KIR2DL1: variants seen among roughly 807,000 people sequenced by gnomAD.
KIR2DL1 encodes the protein killer cell immunoglobulin-like receptor 2DL1.
KIR2DL1 carries 38 observed loss-of-function variants against 33.9 expected under a neutral mutation model. The observed-to-expected ratio is 1.12, with a 90% CI of 0.86 to 1.47. KIR2DL1 has a LOEUF of 1.47. Ranked by LOEUF, KIR2DL1 falls within the 40% of genes most tolerant of loss-of-function variation. KIR2DL1 has a pLI of 0.00. For synonymous variants in KIR2DL1, 179 were observed against 165.9 expected, an observed-to-expected ratio of 1.08 and a Z score of -0.61; for missense variants, 531 against 433.9, an observed-to-expected ratio of 1.22 and a Z score of -1.99.
rs687885 is a variant in KIR2DL1 at position 54,773,593 on chromosome 19, G to A, written c.331G>A (p.Val111Met). The A allele has an allele frequency of 3.2e-6, 5 of 1,550,902 alleles. No homozygotes were observed. Among genetic ancestry groups the A allele is most frequent in the Middle Eastern group, 3.5e-4 (2 of 5,784 alleles). The change falls in exon 3 of 8, where the codon GTG becomes ATG. Residue 111 changes from valine (V) to methionine (M), a missense_variant. By Grantham distance (21) the Val-to-Met change is conservative. Coordinates refer to ENST00000336077, the MANE Select transcript of KIR2DL1 (RefSeq NM_014218.3). ...TTCTGTTACTCACTCCCCCTATCAG[G>A]TGTCAGCTCCCAGTGACCCTCTGGA... The part of the protein sequence containing the change: ...YGSVTHSPYQ[V>M]SAPSDPLDIV...
chr19:54,770,734 A>G, intron 1 of KIR2DL1, 115 bp from the exon 2 acceptor site: 1 of 1,416,300 alleles, frequency 7.1e-7, no homozygotes, highest in Non-Finnish European at 9.9e-7. Flanking sequence ...ACTGAGGGTG[A>G]GTTTACCTTC....
At chr19:54,780,705 T>G (rs4969512) in intron 5 of KIR2DL1, among the ~76,000 whole-genome samples, 3,185 of 125,990 alleles carry the variant, frequency 0.025, 152 homozygotes, top group African/African-American at 0.073. Flanking sequence ...ATATAAGATA[T>G]GTTTGTGAGG....
In KIR2DL1 at chr19:54,778,984, A is replaced by G. The variant is rs919178158; in HGVS notation, c.715+322A>G. On this transcript the variant is annotated intron_variant, in intron 5 of 7. Coordinates refer to ENST00000336077, the MANE Select transcript of KIR2DL1 (RefSeq NM_014218.3). Reference sequence around the variant, plus strand: ...GGATAAATTCCTGGAGACTTGAGAGAGGGAAGGGAAGGGAACATCTGATGA... The same window carrying G: ...GGATAAATTCCTGGAGACTTGAGAGGGGGAAGGGAAGGGAACATCTGATGA... Among the ~76,000 whole-genome samples the G allele has an allele frequency of 1.5e-4, 22 of 146,468 alleles. 1 individual carries two copies. The highest frequency in any genetic ancestry group is 3.2e-4 in the Non-Finnish European group (21 of 65,750).
In KIR2DL1 at chr19:54,774,073, T is replaced by C. The variant is rs936707029; in HGVS notation, c.370+441T>C. Among the ~76,000 whole-genome samples the C allele has an allele frequency of 3.4e-5, 5 of 148,786 alleles. 1 individual carries two copies. Among genetic ancestry groups the C allele is most frequent in the Non-Finnish European group, 7.5e-5 (5 of 66,342 alleles). On this transcript the variant is annotated intron_variant, in intron 3 of 7. Transcript: ENST00000336077. The stretch of plus-strand genomic sequence containing the variant: ...CCTTGTGGCACCTACAGATGCCATG[T>C]TTATTCTGACACCTCTGCCTTCCAT...
rs774179192 is a variant in KIR2DL1 at position 54,773,490 on chromosome 19, C to A, written c.228C>A (p.His76Gln). Residue 76 changes from histidine (H) to glutamine (Q), a missense_variant, in exon 3 of 8, where the codon CAC becomes CAA. Transcript: ENST00000336077. Reference sequence around the variant, plus strand: ...ACACTTTGCGCCTCATTGGAGAACACCATGATGGGGTCTCCAAGGCCAACT... The same window carrying A: ...ACACTTTGCGCCTCATTGGAGAACAACATGATGGGGTCTCCAAGGCCAACT... ...FNDTLRLIGE[H>Q]HDGVSKANFS... The A allele has an allele frequency of 2.5e-6, 4 of 1,585,554 alleles. No individual in the cohort carries two copies. The highest frequency in any genetic ancestry group is 2.2e-5 in the East Asian group (1 of 44,652).
intron 2 of KIR2DL1, among the ~76,000 whole-genome samples, chr19:54,771,450 G>T (rs1294498332): frequency 1.4e-5 from 2 of 147,972 alleles, no homozygotes; most frequent in Non-Finnish European, 3.0e-5. Flanking sequence ...TTGTTGTAGG[G>T]AGACACCTTG....
chr19:54,783,660 G>A lies in KIR2DL1; in HGVS notation c.894G>A (p.Gln298=). 2 of 1,614,004 alleles carry A rather than the reference G, an allele frequency of 1.2e-6. 1 individual carries two copies. The highest frequency in any genetic ancestry group is 1.7e-6 in the Non-Finnish European group (2 of 1,179,958). ...NSEDSDEQDP[Q]EVTYTQLNHC... is the part of the protein sequence containing the mutation. Reference sequence around the variant, plus strand: ...AGGACTCTGATGAACAAGACCCTCAGGAGGTGACATACACACAGTTGAATC... The same window carrying A: ...AGGACTCTGATGAACAAGACCCTCAAGAGGTGACATACACACAGTTGAATC... Residue 298 remains glutamine, a synonymous_variant, in exon 8 of 8, where the codon CAG becomes CAA. Coordinates refer to ENST00000336077, the MANE Select transcript of KIR2DL1 (RefSeq NM_014218.3).
At chr19:54,778,945 C>A (rs1472375264) in intron 5 of KIR2DL1, among the ~76,000 whole-genome samples, 2 of 146,768 alleles carry the variant, frequency 1.4e-5, no homozygotes, top group Non-Finnish European at 3.0e-5. Context: ...GTTCTACCTG[C>A]ATTCCTAACT....
intron 4 of KIR2DL1, among the ~76,000 whole-genome samples, chr19:54,777,688 G>A (rs1336436888): frequency 6.8e-6 from 1 of 146,162 alleles, no homozygotes; most frequent in Non-Finnish European, 1.5e-5. Flanking sequence ...AATCCCAATG[G>A]TCTATTTTTG....
intron 6 of KIR2DL1, 57 bp from the exon 7 acceptor site, chr19:54,783,429 G>T: frequency 6.3e-7 from 1 of 1,590,714 alleles, no homozygotes; most frequent in Non-Finnish European, 8.6e-7. Context: ...ATCTGCTTAT[G>T]AAATGAGGAC....
intron 2 of KIR2DL1, 38 bp from the exon 3 acceptor site, chr19:54,773,295 A>C: frequency 6.4e-7 from 1 of 1,554,396 alleles, no homozygotes; most frequent in Non-Finnish European, 8.8e-7. Flanking sequence ...GGGATGATAA[A>C]GAGAGACACC....
chr19:54,783,290 G>T (rs2077254564), intron 6 of KIR2DL1, among the ~76,000 whole-genome samples, 196 bp from the exon 7 acceptor site: 2 of 152,004 alleles, frequency 1.3e-5, no homozygotes, highest in African/African-American at 4.8e-5. Flanking sequence ...GTGGGAGACA[G>T]AATCAATGGG....
intron 4 of KIR2DL1, 42 bp from the exon 5 acceptor site, chr19:54,778,570 G>C: frequency 2.0e-6 from 3 of 1,478,892 alleles, no homozygotes; most frequent in Non-Finnish European, 1.9e-6. Flanking sequence ...GTGGAGGACA[G>C]ACACCCTCAT....
intron 5 of KIR2DL1, 58 bp from the exon 6 acceptor site, chr19:54,782,864 A>T (rs2077172636): frequency 6.4e-7 from 1 of 1,570,070 alleles, no homozygotes; most frequent in Non-Finnish European, 8.8e-7. Context: ...AATGCGAGAC[A>T]ATTCATAAAG....
In KIR2DL1 at chr19:54,773,647, A is replaced by G. The variant is rs762293558; in HGVS notation, c.370+15A>G. The G allele has an allele frequency of 6.4e-7, 1 of 1,557,934 alleles. No homozygotes were observed. The highest frequency in any genetic ancestry group is 1.1e-5 in the South Asian group (1 of 89,832). ...CGTGATCATAGGTGAGAGTGTCCAG[A>G]CTTTCTTCTCATTGTCATTGGGATG... is the stretch of plus-strand genomic sequence containing the variant. On this transcript the variant is annotated intron_variant, in intron 3 of 7. Transcript: ENST00000336077.
intron 3 of KIR2DL1, among the ~76,000 whole-genome samples, chr19:54,774,127 C>G (rs2076068553): frequency 6.7e-6 from 1 of 148,692 alleles, no homozygotes; most frequent in Admixed American, 6.8e-5. Flanking sequence ...CCCAGGATAT[C>G]ATGGCCCCAC....
chr19:54,774,481 C>G (rs1399931941), intron 3 of KIR2DL1, among the ~76,000 whole-genome samples: 3 of 147,764 alleles, frequency 2.0e-5, no homozygotes, highest in African/African-American at 2.5e-5. Flanking sequence ...ACTAGAGAGA[C>G]CGAGAGGCAG....
chr19:54,774,808 A>G (rs1275995021), intron 3 of KIR2DL1, among the ~76,000 whole-genome samples: 2 of 148,666 alleles, frequency 1.3e-5, no homozygotes, highest in African/African-American at 4.9e-5. Context: ...CGAATAGATA[A>G]ATAGATAGAT....
Position 54,773,022 on chromosome 19 carries a change from C to T in KIR2DL1, c.71-311C>T, listed in dbSNP as rs533293368. Among the ~76,000 whole-genome samples the T allele has an allele frequency of 6.3e-4, 94 of 148,472 alleles. 7 individuals carry two copies. Among genetic ancestry groups the T allele is most frequent in the African/African-American group, 2.2e-3 (90 of 40,842 alleles). On this transcript the variant is annotated intron_variant, in intron 2 of 7. Transcript: ENST00000336077. ...TAAGAGCCTGGATGTGCAGCCTATCCTGGTTCCTCTTCCACCCCCACATAG... is the reference window on the plus strand; with the variant it reads ...TAAGAGCCTGGATGTGCAGCCTATCTTGGTTCCTCTTCCACCCCCACATAG...
Sources: allele counts gnomAD v4.1 joint callset (sites outside exome capture counted in the v4.1 genomes callset), GRCh38; gene constraint gnomAD v4.1.1; transcripts MANE v1.5; gene names NCBI Gene and HGNC (gene_info 2026-07-23, HGNC 2026-07-21).